Variants in FAAH observed in about 807,000 individuals in gnomAD.
FAAH encodes fatty-acid amide hydrolase 1.
A neutral mutation model predicts 69.7 loss-of-function variants in FAAH; 63 were observed. The ratio of observed to expected loss-of-function variants is 0.90; its 90% CI spans 0.74 to 1.12. The LOEUF is 1.12. Ranked by LOEUF, FAAH falls within the 50% of genes most tolerant of loss-of-function variation. The pLI, the probability that FAAH is intolerant of heterozygous loss-of-function variation, is 0.00. For synonymous variants in FAAH, 305 were observed against 324.2 expected (o/e 0.94, Z 0.64); for missense variants, 680 against 755.0 (o/e 0.90, Z 1.16).
chr1:46,395,238 C>T (rs1409201349), intron 1 of FAAH, among the ~76,000 whole-genome samples: 1 of 152,200 alleles, frequency 6.6e-6, no homozygotes, highest in African/African-American at 2.4e-5. Flanking sequence ...TGGCTGAGTT[C>T]AAGCTTCTTG....
intron 7 of FAAH, among the ~76,000 whole-genome samples, chr1:46,407,100 G>A (rs940478555): frequency 6.6e-6 from 1 of 151,778 alleles, no homozygotes; most frequent in African/African-American, 2.4e-5. Context: ...TTGCTGCTAC[G>A]TGAGCCAGGG....
At position 46,406,361 on chromosome 1, in the gene FAAH, G is replaced by C. The variant is rs773621135; in HGVS notation, c.944G>C (p.Arg315Thr). The C allele has an allele frequency of 1.2e-6, 2 of 1,613,874 alleles. No homozygotes were observed. The highest frequency in any genetic ancestry group is 1.1e-5 in the South Asian group (1 of 91,092). Reference protein sequence around the residue: ...LDPTVPPLPFREEVYTSSQPL... With the variant: ...LDPTVPPLPFTEEVYTSSQPL... Reference sequence around the variant, plus strand: ...CCCACTGTGCCTCCCTTGCCCTTCAGAGAAGAGGTGAGCAGGGCTGGGTGG... The same window carrying C: ...CCCACTGTGCCTCCCTTGCCCTTCACAGAAGAGGTGAGCAGGGCTGGGTGG... The change falls in exon 7 of 15, where the codon AGA becomes ACA. Residue 315 changes from arginine to threonine, a missense_variant. Coordinates refer to ENST00000243167, the MANE Select transcript of FAAH (RefSeq NM_001441.3).
rs1029068630 is a variant in FAAH, at chr1:46,405,310, T to C, written c.445-62T>C. ...TTGGCCTGTGTGACAGTTGTTGGAG[T>C]GGACCCTTGGCTGCCCACGGGCCCT... On this transcript the variant is annotated intron_variant, in intron 3 of 14. Transcript: ENST00000243167. The surrounding 1 kb of genome is among the most constrained non-coding windows in gnomAD (Gnocchi z 4.1). 21 of 1,605,252 alleles carry C rather than the reference T, an allele frequency of 1.3e-5. No individual in the cohort carries two copies. Among genetic ancestry groups the C allele is most frequent in the Admixed American group, 1.2e-4 (7 of 59,990 alleles).
At chr1:46,402,065 G>T (rs1054010399) in intron 1 of FAAH, 26 bp from the exon 2 acceptor site, 7 of 1,571,492 alleles carry the variant, frequency 4.5e-6, no homozygotes, top group African/African-American at 1.4e-5. Context: ...GCGAGTAGGG[G>T]ACTGATCCGA....
intron 1 of FAAH, among the ~76,000 whole-genome samples, chr1:46,399,598 G>A (rs934794737): frequency 1.3e-5 from 2 of 152,242 alleles, no homozygotes; most frequent in Non-Finnish European, 2.9e-5. Context: ...GGGAGTTGGT[G>A]ACCGGACTGT....
chr1:46,396,233 C>G (rs1222443732), intron 1 of FAAH, among the ~76,000 whole-genome samples: 1 of 152,156 alleles, frequency 6.6e-6, no homozygotes, highest in Admixed American at 6.5e-5. Context: ...GTGCAGTAAA[C>G]AACAGTATTG....
At chr1:46,397,490 G>T (rs947535695) in intron 1 of FAAH, among the ~76,000 whole-genome samples, 3 of 152,196 alleles carry the variant, frequency 2.0e-5, no homozygotes, top group African/African-American at 7.2e-5. Context: ...AATCAGCAAA[G>T]GGGTGGGGTC....
chr1:46,400,148 A>G (rs1240022067), intron 1 of FAAH, among the ~76,000 whole-genome samples: 1 of 119,664 alleles, frequency 8.4e-6, no homozygotes, highest in Non-Finnish European at 1.6e-5. Flanking sequence ...AGGCTGTGGC[A>G]TGTGCTCGGA....
In FAAH at chr1:46,394,546, G is replaced by T; in HGVS notation, c.195+3G>T. ...CGGCGCAGCGCTTCCGGCTCCAGGT[G>T]ACTGCCGGAGCGTAGTGGGATGGGC... On this transcript the variant is annotated splice_donor_region_variant and intron_variant, in intron 1 of 14. Transcript: ENST00000243167. 7.4e-7 allele frequency: 1 copy of T among 1,350,844 alleles called. No individual in the cohort carries two copies. The highest frequency in any genetic ancestry group is 1.9e-5 in the South Asian group (1 of 53,178). The allele number at this position is 1,350,844 out of a possible 1,614,324, so 83.7% of individuals were successfully genotyped here.
chr1:46,412,559 G>A (rs937931311), intron 13 of FAAH, among the ~76,000 whole-genome samples: 4 of 152,110 alleles, frequency 2.6e-5, no homozygotes, highest in Non-Finnish European at 4.4e-5. Flanking sequence ...CCTATAATCC[G>A]AGCACTTTGG....
rs1022361754 is a variant in FAAH, at chr1:46,410,558, G to C, written c.1275+61G>C. ...GGGGGGGAACCTAGGGCCTCCTATC[G>C]CATGATCCCCCATGGCCTCCCTCAG... On this transcript the variant is annotated intron_variant, in intron 10 of 14. Transcript: ENST00000243167. This position sits in a 1 kb window ranked among gnomAD's most constrained non-coding sequence, Gnocchi z 4.9. The C allele has an allele frequency of 6.8e-7, 1 of 1,479,252 alleles. No individual in the cohort carries two copies. Among genetic ancestry groups the C allele is most frequent in the African/African-American group, 1.4e-5 (1 of 72,352 alleles). 91.6% of individuals were successfully genotyped at this position (1,479,252 alleles called of 1,614,324 possible). A position where few individuals can be genotyped will look rare whatever the true frequency, so the allele number is the denominator to read the frequency against.
intron 2 of FAAH, among the ~76,000 whole-genome samples, chr1:46,402,665 A>C (rs1341349005): frequency 6.6e-6 from 1 of 150,906 alleles, no homozygotes; most frequent in Non-Finnish European, 1.5e-5. Context: ...GGCATGCACC[A>C]CTACACCCGG....
Position 46,405,876 on chromosome 1 carries a change from G to C in FAAH, c.785+82G>C, listed in dbSNP as rs1296815017. Reference sequence around the variant, plus strand: ...CCAACCTCTCTGGGCTCCAGGCGGGGATTCGGTCTCCGGGGTTTTGCTGGG... The same window carrying C: ...CCAACCTCTCTGGGCTCCAGGCGGGCATTCGGTCTCCGGGGTTTTGCTGGG... On this transcript the variant is annotated intron_variant, in intron 5 of 14. Transcript: ENST00000243167. This position sits in a 1 kb window ranked among gnomAD's most constrained non-coding sequence, Gnocchi z 4.1. 1.2e-5 allele frequency: 19 copies of C among 1,605,876 alleles called. No homozygotes were observed. The East Asian group carries it at 4.3e-4, about 36-fold the overall frequency.
intron 1 of FAAH, among the ~76,000 whole-genome samples, 189 bp downstream of exon 1, chr1:46,394,732 C>G (rs1664566944): frequency 6.6e-6 from 1 of 152,182 alleles, no homozygotes; most frequent in African/African-American, 2.4e-5. Context: ...AGAAAGGAAA[C>G]GGTAGTGTCA....
chr1:46,394,466 G>A lies in FAAH; in HGVS notation c.118G>A (p.Ala40Thr), dbSNP rs1664560432. 3 of 1,382,270 alleles carry A rather than the reference G, an allele frequency of 2.2e-6. No individual in the cohort carries two copies. Among genetic ancestry groups the A allele is most frequent in the Non-Finnish European group, 2.8e-6 (3 of 1,075,212 alleles). 85.6% of individuals were successfully genotyped at this position (1,382,270 alleles called of 1,614,324 possible). ...GTCCGGGCGCCGGACGGCGCGGGGC[G>A]CGGTGGTCCGGGCGCGACAGAGGCA... ...RWSGRRTARG[A>T]VVRARQRQRA... Residue 40 changes from alanine to threonine, a missense_variant, in exon 1 of 15, where the codon GCG becomes ACG. Coordinates refer to ENST00000243167, the MANE Select transcript of FAAH (RefSeq NM_001441.3).
rs1439929270 is a variant in FAAH, at chr1:46,411,706, A to G, written c.1356+55A>G. 9 of 1,599,854 alleles carry G rather than the reference A, an allele frequency of 5.6e-6. No individual in the cohort carries two copies. The highest frequency in any genetic ancestry group is 1.3e-5 in the African/African-American group (1 of 74,532). On this transcript the variant is annotated intron_variant, in intron 12 of 14. Coordinates refer to ENST00000243167, the MANE Select transcript of FAAH (RefSeq NM_001441.3). This position sits in a 1 kb window ranked among gnomAD's most constrained non-coding sequence, Gnocchi z 4.8. ...GGTGGTGGGGGGAGGGTGGAGTTGGACAGGGTACCCGCTAGCAGTGTCTCG... is the reference window on the plus strand; with the variant it reads ...GGTGGTGGGGGGAGGGTGGAGTTGGGCAGGGTACCCGCTAGCAGTGTCTCG...
intron 1 of FAAH, among the ~76,000 whole-genome samples, chr1:46,400,179 G>A (rs1002357829): frequency 1.3e-5 from 2 of 151,950 alleles, no homozygotes; most frequent in African/African-American, 4.8e-5. Flanking sequence ...GCCAGGCTCT[G>A]GGGTGTGGGG....
At chr1:46,396,517 T>C (rs1453735745) in intron 1 of FAAH, among the ~76,000 whole-genome samples, 1 of 152,218 alleles carries the variant, frequency 6.6e-6, no homozygotes, top group African/African-American at 2.4e-5. Context: ...CCTTGGAGAA[T>C]ACCCAGGCTT....
chr1:46,408,431 G>T (rs1286416008), intron 7 of FAAH, 28 bp from the exon 8 acceptor site: 1 of 1,614,036 alleles, frequency 6.2e-7, no homozygotes, highest in South Asian at 1.1e-5. Context: ...CTCCTGACCT[G>T]CCCCTGTCCC....
Sources: gnomAD v4.1 joint callset for allele counts (sites outside exome capture counted in the v4.1 genomes callset) on GRCh38, gnomAD v4.1.1 for gene constraint, Gnocchi (gnomAD v3.1) non-coding constraint, MANE v1.5 for transcripts, NCBI Gene and HGNC (gene_info 2026-07-23, HGNC 2026-07-21) for gene names.